The following MSI2 variants were observed in gnomAD, a reference collection of about 807,000 sequenced individuals.
MSI2 encodes the protein musashi RNA binding protein 2.
A neutral mutation model predicts 45.6 loss-of-function variants in MSI2; 17 were observed. The ratio of observed to expected loss-of-function variants is 0.37; its 90% CI spans 0.26 to 0.56. The LOEUF is 0.56. Ranked by LOEUF, MSI2 falls within the 20% of genes least tolerant of loss-of-function variation. MSI2 has a pLI of 0.77. For missense variants in MSI2, 293 were observed against 444.2 expected, an observed-to-expected ratio of 0.66 and a Z score of 3.06; for synonymous variants, 156 against 158.2, an observed-to-expected ratio of 0.99 and a Z score of 0.11.
intron 5 of MSI2, among the ~76,000 whole-genome samples, chr17:57,295,691 G>A (rs1433020408): frequency 1.3e-5 from 2 of 152,166 alleles, no homozygotes; most frequent in Non-Finnish European, 2.9e-5. Context: ...GGCTTGGAGG[G>A]AGAAAGGAAA....
chr17:57,452,211 G>A (rs1192074632), intron 6 of MSI2, among the ~76,000 whole-genome samples: 2 of 152,252 alleles, frequency 1.3e-5, no homozygotes, highest in African/African-American at 4.8e-5. Flanking sequence ...TGGGAGGCAG[G>A]TTCTAGTCTT....
At chr17:57,618,861 T>A (rs2144573839) in intron 9 of MSI2, among the ~76,000 whole-genome samples, 1 of 152,206 alleles carries the variant, frequency 6.6e-6, no homozygotes, top group East Asian at 1.9e-4. Flanking sequence ...CTTAAAAAAA[T>A]AAATAAATAA....
At chr17:57,314,163 C>T (rs1360083700) in intron 5 of MSI2, among the ~76,000 whole-genome samples, 2 of 152,186 alleles carry the variant, frequency 1.3e-5, no homozygotes, top group Non-Finnish European at 2.9e-5. Context: ...TATGAGTGCA[C>T]ATGTATAAAT....
At position 57,596,979 on chromosome 17, in the gene MSI2, G is replaced by T; in HGVS notation, c.537+29G>T. On this transcript the variant is annotated intron_variant, in intron 8 of 13. Coordinates refer to ENST00000284073, the MANE Select transcript of MSI2 (RefSeq NM_138962.4). The surrounding 1 kb of genome is among the most constrained non-coding windows in gnomAD (Gnocchi z 4.6). ...AGTGTGTAGGGGTTGCGCTGAAATG[G>T]AATGCCCCCTTTCTCTACGTACACA... is the stretch of plus-strand genomic sequence containing the variant. 6.7e-7 allele frequency: 1 copy of T among 1,496,942 alleles called. No individual in the cohort carries two copies. Among genetic ancestry groups the T allele is most frequent in the Non-Finnish European group, 9.3e-7 (1 of 1,073,630 alleles). 92.7% of individuals were successfully genotyped at this position (1,496,942 alleles called of 1,614,324 possible).
chr17:57,434,316 TCTCGAACTC>T (rs1245043709), intron 6 of MSI2, among the ~76,000 whole-genome samples: 1 of 152,210 alleles, frequency 6.6e-6, no homozygotes, highest in Admixed American at 6.5e-5. Context: ...CCTAGGCTGA[TCTCGAACTC>T]CTGAACTCAG....
chr17:57,599,527 C>G (rs937237145), intron 8 of MSI2, among the ~76,000 whole-genome samples: 5 of 152,176 alleles, frequency 3.3e-5, no homozygotes, highest in South Asian at 2.1e-4. Flanking sequence ...CGCCTTCTCT[C>G]CCACCCAGGT....
chr17:57,613,783 C>T (rs543105375), intron 8 of MSI2, among the ~76,000 whole-genome samples: 55 of 152,266 alleles, frequency 3.6e-4, no homozygotes, highest in Admixed American at 1.8e-3. Flanking sequence ...ATGCTCATCT[C>T]TTTTAATCTA....
At chr17:57,563,121 A>AAAAAC (rs1555624268) in intron 7 of MSI2, among the ~76,000 whole-genome samples, 3 of 149,994 alleles carry the variant, frequency 2.0e-5, no homozygotes, top group Admixed American at 6.7e-5. Flanking sequence ...AAAAAAAAAA[A>AAAAAC]CAGTGCATAG....
intron 5 of MSI2, among the ~76,000 whole-genome samples, chr17:57,377,078 G>A (rs948197098): frequency 2.0e-5 from 3 of 152,108 alleles, no homozygotes; most frequent in South Asian, 4.2e-4. Flanking sequence ...CCGCCACCAC[G>A]CCCAGCTAAT....
chr17:57,696,689 G>A, the MSI2 span, among the ~76,000 whole-genome samples: 1 of 152,064 alleles, frequency 6.6e-6, no homozygotes, highest in Non-Finnish European at 1.5e-5. Context: ...GAGCTACAAT[G>A]GCACCACTGC....
intron 6 of MSI2, among the ~76,000 whole-genome samples, chr17:57,468,390 G>T (rs1012707917): frequency 4.0e-5 from 6 of 151,658 alleles, no homozygotes; most frequent in Non-Finnish European, 8.8e-5. Context: ...GTGTGGTGGC[G>T]GGCGCCTGTA....
chr17:57,643,034 A>G (rs1910372936), intron 10 of MSI2, among the ~76,000 whole-genome samples: 1 of 152,178 alleles, frequency 6.6e-6, no homozygotes, highest in Non-Finnish European at 1.5e-5. Context: ...TGGAATTCCC[A>G]GGAGAGCTTT....
intron 7 of MSI2, among the ~76,000 whole-genome samples, chr17:57,555,785 C>A (rs1177717083): frequency 6.6e-6 from 1 of 152,134 alleles, no homozygotes; most frequent in Non-Finnish European, 1.5e-5. Flanking sequence ...CACCAGGTTG[C>A]TATGGCAACA....
intron 5 of MSI2, among the ~76,000 whole-genome samples, chr17:57,293,599 T>TTTG (rs1359716857): frequency 3.7e-5 from 5 of 136,864 alleles, no homozygotes; most frequent in South Asian, 2.2e-4. Flanking sequence ...TTTTTTGTTT[T>TTTG]TTTTTTTGTT....
intron 5 of MSI2, among the ~76,000 whole-genome samples, chr17:57,394,021 A>G (rs535360138): frequency 6.6e-6 from 1 of 152,318 alleles, no homozygotes; most frequent in Non-Finnish European, 1.5e-5. Context: ...GTTGACAGAC[A>G]ACGCTGTGTT....
chr17:57,475,221 A>G (rs993336837), intron 6 of MSI2, among the ~76,000 whole-genome samples: 152 of 152,176 alleles, frequency 1.0e-3, no homozygotes, highest in African/African-American at 3.6e-3. Flanking sequence ...GGATTTACCA[A>G]AACGCCTAGG....
At chr17:57,317,697 T>C (rs527544989) in intron 5 of MSI2, among the ~76,000 whole-genome samples, 44 of 152,100 alleles carry the variant, frequency 2.9e-4, no homozygotes, top group Admixed American at 8.5e-4. Context: ...GAAATGAATA[T>C]ATAAGGCAGA....
intron 6 of MSI2, among the ~76,000 whole-genome samples, chr17:57,415,285 G>A (rs191582292): frequency 2.4e-3 from 370 of 152,256 alleles, no homozygotes; most frequent in Non-Finnish European, 3.4e-3. Context: ...ATCTGGCTGT[G>A]GACATGGAGA....
intron 11 of MSI2, among the ~76,000 whole-genome samples, chr17:57,664,715 G>T (rs1011176139): frequency 1.3e-5 from 2 of 152,182 alleles, no homozygotes; most frequent in Non-Finnish European, 2.9e-5. Flanking sequence ...TTCCATCCTT[G>T]GGTGTGGTTG....
Sources: allele counts gnomAD v4.1 joint callset (sites outside exome capture counted in the v4.1 genomes callset), GRCh38; gene constraint gnomAD v4.1.1; non-coding constraint Gnocchi (gnomAD v3.1); transcripts MANE v1.5; gene names NCBI Gene and HGNC (gene_info 2026-07-23, HGNC 2026-07-21).